TGFBR1: variants seen among roughly 807,000 people sequenced by gnomAD.
The protein encoded by TGFBR1 is transforming growth factor beta receptor 1.
In TGFBR1, 20 loss-of-function variants were observed where a neutral mutation model predicts 55.1. The ratio of observed to expected loss-of-function variants is 0.36; its 90% CI spans 0.26 to 0.53. The LOEUF (loss-of-function observed/expected upper bound fraction) is 0.53, where lower values mean the gene tolerates loss of function less well. Among genes scored for constraint, TGFBR1 ranks in the 20% least tolerant of loss-of-function variants. The pLI is 0.91. For missense variants in TGFBR1, 385 were observed against 617.6 expected, an observed-to-expected ratio of 0.62 and a Z score of 3.99; for synonymous variants, 220 against 214.8, an observed-to-expected ratio of 1.02 and a Z score of -0.21.
At chr9:99,114,571 CATCTTTCT>C (rs1400478477) in intron 1 of TGFBR1, among the ~76,000 whole-genome samples, 1 of 152,162 alleles carries the variant, frequency 6.6e-6, no homozygotes, top group African/African-American at 2.4e-5. Flanking sequence ...CTGCTGCCTC[CATCTTTCT>C]TCTCCAGTTT....
Position 99,151,288 on chromosome 9 carries a change from C to T in TGFBR1, c.*1983C>T, listed in dbSNP as rs1170659539. 4.3e-6 allele frequency: 1 copy of T among 230,744 alleles called. No individual in the cohort carries two copies. Among genetic ancestry groups the T allele is most frequent in the Non-Finnish European group, 8.6e-6 (1 of 116,780 alleles). 14.3% of individuals were successfully genotyped at this position (230,744 alleles called of 1,614,324 possible). A position where few individuals can be genotyped will look rare whatever the true frequency, so the allele number is the denominator to read the frequency against. On this transcript the variant is annotated 3_prime_UTR_variant, in exon 9 of 9. Coordinates refer to ENST00000374994, the MANE Select transcript of TGFBR1 (RefSeq NM_004612.4). ...TGTAGTTACCATAATTTCATTGAAGCAAATGAATGAGTTTGAGAGGTTTGT... is the reference window on the plus strand; with the variant it reads ...TGTAGTTACCATAATTTCATTGAAGTAAATGAATGAGTTTGAGAGGTTTGT...
intron 4 of TGFBR1, among the ~76,000 whole-genome samples, chr9:99,142,050 C>T (rs1827629718): frequency 6.6e-6 from 1 of 152,190 alleles, no homozygotes; most frequent in Non-Finnish European, 1.5e-5. Context: ...CTTGTCATTT[C>T]TTGTTGAAAC....
chr9:99,129,066 G>C lies in TGFBR1; in HGVS notation c.309G>C (p.Gln103His), dbSNP rs1827131383. 1 of 1,613,864 alleles carries C rather than the reference G, an allele frequency of 6.2e-7. No homozygotes were observed. The highest frequency in any genetic ancestry group is 8.5e-7 in the Non-Finnish European group (1 of 1,179,902). ...TGACTACAACATATTGCTGCAATCA[G>C]GACCATTGCAATAAAATAGAACTTC... ...GSVTTTYCCN[Q>H]DHCNKIELPT... Residue 103 changes from glutamine (Q) to histidine (H), a missense_variant, in exon 2 of 9, where the codon CAG becomes CAC. Coordinates refer to ENST00000374994, the MANE Select transcript of TGFBR1 (RefSeq NM_004612.4).
chr9:99,119,314 C>T (rs1826836093), intron 1 of TGFBR1, among the ~76,000 whole-genome samples: 1 of 152,132 alleles, frequency 6.6e-6, no homozygotes, highest in Non-Finnish European at 1.5e-5. Context: ...ATGTCATTCC[C>T]CTAGCCCAGG....
chr9:99,110,613 A>AAT (rs939638003), intron 1 of TGFBR1, among the ~76,000 whole-genome samples: 2 of 152,158 alleles, frequency 1.3e-5, no homozygotes, highest in Non-Finnish European at 2.9e-5. Flanking sequence ...TCTAATCGTA[A>AAT]ATATATATAT....
chr9:99,105,328 G>GACTGCGGGGCGCGCGGGCC, intron 1 of TGFBR1, 26 bp downstream of exon 1: 3 of 980,916 alleles, frequency 3.1e-6, no homozygotes, highest in Non-Finnish European at 3.6e-6. Context: ...GCGGGCGGGC[G>GACTGCGGGGCGCGCGGGCC]ACTGCGGGGC....
At chr9:99,116,696 A>G (rs972718336) in intron 1 of TGFBR1, among the ~76,000 whole-genome samples, 5 of 152,210 alleles carry the variant, frequency 3.3e-5, no homozygotes, top group African/African-American at 1.2e-4. Context: ...TTCAGTAGCC[A>G]TGATGCTACT....
At chr9:99,140,850 A>C (rs1827594874) in intron 4 of TGFBR1, among the ~76,000 whole-genome samples, 1 of 152,208 alleles carries the variant, frequency 6.6e-6, no homozygotes, top group Non-Finnish European at 1.5e-5. Flanking sequence ...ACACAGCAGC[A>C]CAAAATGTTG....
At position 99,149,745 on chromosome 9, in the gene TGFBR1, C is replaced by G; in HGVS notation, c.*440C>G. On this transcript the variant is annotated 3_prime_UTR_variant, in exon 9 of 9. Transcript: ENST00000374994. ...AGAGGATTCTGAACCACTAGAGTTT[C>G]CTTGATTCAGACTTTGAATGTACTG... The G allele has an allele frequency of 4.0e-6, 1 of 250,276 alleles. No homozygotes were observed. The highest frequency in any genetic ancestry group is 7.9e-6 in the Non-Finnish European group (1 of 127,018). The allele number at this position is 250,276 out of a possible 1,614,324, so 15.5% of individuals were successfully genotyped here. A position where few individuals can be genotyped will look rare whatever the true frequency, so the allele number is the denominator to read the frequency against.
intron 3 of TGFBR1, among the ~76,000 whole-genome samples, chr9:99,133,996 T>TAAAAA (rs550064982): frequency 9.0e-6 from 1 of 110,624 alleles, no homozygotes; most frequent in African/African-American, 3.4e-5. Flanking sequence ...AGACTCCATC[T>TAAAAA]AAAAAAAAAA....
chr9:99,147,340 G>C (rs1827827590), intron 7 of TGFBR1, among the ~76,000 whole-genome samples: 1 of 152,176 alleles, frequency 6.6e-6, no homozygotes, highest in African/African-American at 2.4e-5. Context: ...TTACAGAATA[G>C]AATCTCATTT....
intron 1 of TGFBR1, among the ~76,000 whole-genome samples, chr9:99,110,443 A>G (rs1019399897): frequency 6.6e-6 from 1 of 151,986 alleles, no homozygotes; most frequent in Non-Finnish European, 1.5e-5. Flanking sequence ...AAAACTTCTT[A>G]CTTATTTGCT....
chr9:99,145,264 A>G (rs908554664), intron 6 of TGFBR1, among the ~76,000 whole-genome samples: 1 of 152,086 alleles, frequency 6.6e-6, no homozygotes, highest in Non-Finnish European at 1.5e-5. Flanking sequence ...TCAGTTCCTA[A>G]AAATATGCCT....
At chr9:99,134,840 A>ATATG (rs1827381372) in intron 3 of TGFBR1, among the ~76,000 whole-genome samples, 1 of 100,470 alleles carries the variant, frequency 1.0e-5, no homozygotes, top group African/African-American at 3.6e-5. Flanking sequence ...ATATATATAT[A>ATATG]TATATATATA....
chr9:99,136,651 G>A (rs897020704), intron 3 of TGFBR1, among the ~76,000 whole-genome samples: 2 of 152,138 alleles, frequency 1.3e-5, no homozygotes, highest in Non-Finnish European at 2.9e-5. Flanking sequence ...CTACTTTACA[G>A]GAGGTGGGGA....
intron 1 of TGFBR1, among the ~76,000 whole-genome samples, chr9:99,122,055 C>T (rs1013186): frequency 0.18 from 27,102 of 151,918 alleles, 2,564 homozygotes; most frequent in Non-Finnish European, 0.2. Context: ...TATCCTGAAA[C>T]GTTTTGAAAA....
intron 1 of TGFBR1, among the ~76,000 whole-genome samples, chr9:99,123,389 A>G (rs1355996079): frequency 1.3e-5 from 2 of 152,130 alleles, no homozygotes; most frequent in African/African-American, 2.4e-5. Context: ...ACAGTGTAGT[A>G]GAAAGGTCCT....
chr9:99,120,800 T>A (rs1019541796), intron 1 of TGFBR1, among the ~76,000 whole-genome samples: 32 of 152,326 alleles, frequency 2.1e-4, no homozygotes, highest in African/African-American at 6.7e-4. Flanking sequence ...CTGACTCTTC[T>A]AAAATGTGTT....
chr9:99,105,731 C>T (rs1460668718), intron 1 of TGFBR1, among the ~76,000 whole-genome samples: 3 of 152,272 alleles, frequency 2.0e-5, no homozygotes, highest in South Asian at 2.1e-4. Flanking sequence ...TGGGGACCCC[C>T]GCCCCAAGAG....
Sources: gnomAD v4.1 joint callset for allele counts (sites outside exome capture counted in the v4.1 genomes callset) on GRCh38, gnomAD v4.1.1 for gene constraint, MANE v1.5 for transcripts, NCBI Gene and HGNC (gene_info 2026-07-23, HGNC 2026-07-21) for gene names.